The following LRP2 variants were observed in gnomAD, a reference collection of about 807,000 sequenced individuals.
LRP2 encodes the protein low-density lipoprotein receptor-related protein 2.
In LRP2, 172 loss-of-function variants were observed where a neutral mutation model predicts 531.0. The observed-to-expected ratio is 0.32, with a 90% CI of 0.29 to 0.37. LRP2 has a LOEUF of 0.37. Among genes scored for constraint, LRP2 ranks in the 10% least tolerant of loss-of-function variants. The pLI, the probability that LRP2 is intolerant of heterozygous loss-of-function variation, is 1.00. For missense variants in LRP2, 5,167 were observed against 5,868.3 expected, an observed-to-expected ratio of 0.88 and a Z score of 3.90; for synonymous variants, 1,992 against 2,027.6, an observed-to-expected ratio of 0.98 and a Z score of 0.47.
At chr2:169,177,628 A>G (rs192209121) in intron 53 of LRP2, among the ~76,000 whole-genome samples, 175 bp downstream of exon 53, 3 of 152,312 alleles carry the variant, frequency 2.0e-5, no homozygotes, top group East Asian at 1.9e-4. Context: ...TTCCCAGGGG[A>G]AGGGGGATAA....
At chr2:169,189,020 TAC>T (rs1687738495) in intron 48 of LRP2, among the ~76,000 whole-genome samples, 1 of 152,146 alleles carries the variant, frequency 6.6e-6, no homozygotes, top group South Asian at 2.1e-4. Context: ...GGACCTAACA[TAC>T]ACAGGCATCA....
chr2:169,263,535 A>G (rs1035930930), intron 16 of LRP2, among the ~76,000 whole-genome samples: 1 of 150,650 alleles, frequency 6.6e-6, no homozygotes, highest in Middle Eastern at 3.4e-3. Context: ...GCAAATCAAA[A>G]CCACAATGAG....
chr2:169,327,265 G>GC (rs751847490), intron 1 of LRP2, among the ~76,000 whole-genome samples: 4,972 of 115,224 alleles, frequency 0.043, 902 homozygotes, highest in Non-Finnish European at 0.066. Flanking sequence ...GAGGGAGGTG[G>GC]GGGGGTCAGC....
At chr2:169,192,354 C>T (rs995851305) in intron 47 of LRP2, among the ~76,000 whole-genome samples, 29 of 152,000 alleles carry the variant, frequency 1.9e-4, no homozygotes, top group Non-Finnish European at 4.0e-4. Context: ...AACTGGATAC[C>T]GAATGCCTTA....
chr2:169,361,338 CTG>C (rs1256001883), intron 1 of LRP2, among the ~76,000 whole-genome samples: 719 of 70,902 alleles, frequency 0.01, 31 homozygotes, highest in East Asian at 0.045. Flanking sequence ...CTGTCTCTCT[CTG>C]TCTCTCTCTG....
chr2:169,331,491 C>T (rs1685266715), intron 1 of LRP2, among the ~76,000 whole-genome samples: 1 of 151,852 alleles, frequency 6.6e-6, no homozygotes, highest in Non-Finnish European at 1.5e-5. Flanking sequence ...TCAGCTAAGT[C>T]ACTGAGGTTC....
chr2:169,327,220 C>G (rs867473787), intron 1 of LRP2, among the ~76,000 whole-genome samples: 1 of 103,654 alleles, frequency 9.6e-6, no homozygotes, highest in Non-Finnish European at 1.9e-5. Context: ...CCGCCCCATC[C>G]GGGAGGGAGG....
chr2:169,358,028 G>A (rs891787763), intron 1 of LRP2, among the ~76,000 whole-genome samples: 5 of 152,182 alleles, frequency 3.3e-5, no homozygotes, highest in African/African-American at 4.8e-5. Flanking sequence ...CAAGCTGAAA[G>A]CGCATGGTAC....
In LRP2 at chr2:169,154,371, CATT is replaced by C. The variant is rs535009810; in HGVS notation, c.12295+86_12295+88del. 9.2e-5 allele frequency: 113 copies of C among 1,234,022 alleles called. No individual in the cohort carries two copies. The East Asian group carries it at 2.4e-3, about 26-fold the overall frequency. 76.4% of individuals were successfully genotyped at this position (1,234,022 alleles called of 1,614,324 possible). A position where few individuals can be genotyped will look rare whatever the true frequency, so the allele number is the denominator to read the frequency against. ...CTCCACTAATGCAACAAAATTCACT[CATT>C]AAACAATAAATTCCTTAAAAGTCAA... On this transcript the variant is annotated intron_variant, in intron 66 of 78. Transcript: ENST00000649046.
intron 34 of LRP2, among the ~76,000 whole-genome samples, chr2:169,219,717 G>C (rs1352368686): frequency 6.6e-6 from 1 of 152,050 alleles, no homozygotes; most frequent in African/African-American, 2.4e-5. Flanking sequence ...GGCATGGGTT[G>C]AAAAACTAAC....
chr2:169,151,958 A>G (rs543868308), intron 67 of LRP2, among the ~76,000 whole-genome samples: 22 of 152,336 alleles, frequency 1.4e-4, no homozygotes, highest in African/African-American at 5.3e-4. Flanking sequence ...AAAAGAATTT[A>G]CACTGAAAAT....
At chr2:169,192,377 T>A (rs961559494) in intron 47 of LRP2, among the ~76,000 whole-genome samples, 1 of 152,170 alleles carries the variant, frequency 6.6e-6, no homozygotes, top group Non-Finnish European at 1.5e-5. Flanking sequence ...TTTTGGTAAC[T>A]TTTTTTAGTT....
At chr2:169,291,076 A>T in intron 7 of LRP2, 79 bp from the exon 8 acceptor site, 1 of 1,295,602 alleles carries the variant, frequency 7.7e-7, no homozygotes, top group Non-Finnish European at 1.1e-6. Context: ...TTTACAGAGG[A>T]TGTAGAGCAA....
At chr2:169,182,542 G>A (rs1687479376) in intron 50 of LRP2, 1 of 1,412,310 alleles carries the variant, frequency 7.1e-7, no homozygotes. Context: ...TTAAGGTGGT[G>A]TCATGTAGAA....
chr2:169,288,102 C>G (rs1204783588), intron 9 of LRP2, among the ~76,000 whole-genome samples: 2 of 152,182 alleles, frequency 1.3e-5, no homozygotes, highest in East Asian at 1.9e-4. Flanking sequence ...CTTTTCCCAA[C>G]AGCAGTAAAA....
At position 169,138,582 on chromosome 2, in the gene LRP2, C is replaced by G; in HGVS notation, c.13513G>C (p.Ala4505Pro). ...CATTTTGAAACCATACTCACCATTG[C>G]CATTGACCTGTCAATAGCAGTCTCA... The part of the protein sequence containing the change: ...GPETAIDRSM[A>P]MSEDFVMEMG... Residue 4505 changes from alanine to proline, a missense_variant, in exon 75 of 79, where the codon GCA (alanine) becomes CCA (proline). Coordinates refer to ENST00000649046, the MANE Select transcript of LRP2 (RefSeq NM_004525.3). The G allele has an allele frequency of 6.2e-7, 1 of 1,613,802 alleles. No homozygotes were observed. The highest frequency in any genetic ancestry group is 8.5e-7 in the Non-Finnish European group (1 of 1,179,796).
intron 67 of LRP2, 120 bp downstream of exon 67, chr2:169,152,679 G>A: frequency 1.8e-6 from 2 of 1,121,908 alleles, no homozygotes; most frequent in South Asian, 1.3e-5. Context: ...CTGCCCAGCT[G>A]CACCCATGGC....
rs78833895 is a variant in LRP2, at chr2:169,307,865, C to T, written c.311-468G>A. Among the ~76,000 whole-genome samples the T allele has an allele frequency of 3.9e-3, 593 of 152,192 alleles. 1 individual carries two copies. The highest frequency in any genetic ancestry group is 0.014 in the African/African-American group (562 of 41,528). Reference sequence around the variant, plus strand: ...TTTCCTCTATTCTATAAACTGCCTACATTGACCATGTATCAATTTTATAAA... The same window carrying T: ...TTTCCTCTATTCTATAAACTGCCTATATTGACCATGTATCAATTTTATAAA... On this transcript the variant is annotated intron_variant, in intron 3 of 78. Transcript: ENST00000649046.
chr2:169,156,858 G>A lies in LRP2; in HGVS notation c.12020-453C>T, dbSNP rs184051491. ...CCAAAAGGAACTCTTACAATCTTCT[G>A]ACTATGACATATCATGAATTAGAAA... On this transcript the variant is annotated intron_variant, in intron 64 of 78. Transcript: ENST00000649046. Among the ~76,000 whole-genome samples, 317 of 152,266 alleles carry A rather than the reference G, an allele frequency of 2.1e-3. 1 individual carries two copies. The highest frequency in any genetic ancestry group is 5.7e-3 in the Admixed American group (87 of 15,280).
Sources: gnomAD v4.1 joint callset for allele counts (sites outside exome capture counted in the v4.1 genomes callset) on GRCh38, gnomAD v4.1.1 for gene constraint, MANE v1.5 for transcripts, NCBI Gene and HGNC (gene_info 2026-07-23, HGNC 2026-07-21) for gene names.